DLG2: variants seen among roughly 807,000 people sequenced by gnomAD.
DLG2 encodes the protein discs large MAGUK scaffold protein 2.
Under a neutral mutation model 132.5 loss-of-function variants are expected in DLG2, and 45 were observed. The ratio of observed to expected loss-of-function variants is 0.34; its 90% CI spans 0.27 to 0.44. The LOEUF (loss-of-function observed/expected upper bound fraction) is 0.44. Among genes scored for constraint, DLG2 ranks in the 20% least tolerant of loss-of-function variants. The pLI, the probability that DLG2 is intolerant of heterozygous loss-of-function variation, is 1.00. For missense variants in DLG2, 1,045 were observed against 1,196.9 expected, an observed-to-expected ratio of 0.87 and a Z score of 1.87; for synonymous variants, 424 against 419.6, an observed-to-expected ratio of 1.01 and a Z score of -0.13.
chr11:84,562,982 G>T (rs1262969989), intron 6 of DLG2, among the ~76,000 whole-genome samples: 1 of 152,020 alleles, frequency 6.6e-6, no homozygotes, highest in African/African-American at 2.4e-5. Flanking sequence ...AAACTGCTGG[G>T]CTCAAGTGAT....
intron 5 of DLG2, among the ~76,000 whole-genome samples, chr11:85,136,617 T>C (rs954395631): frequency 3.3e-5 from 5 of 152,204 alleles, no homozygotes; most frequent in Non-Finnish European, 7.4e-5. Flanking sequence ...TAGAAATATA[T>C]TGATTCTTAG....
At chr11:84,440,346 T>C (rs966233910) in intron 7 of DLG2, among the ~76,000 whole-genome samples, 6 of 152,184 alleles carry the variant, frequency 3.9e-5, no homozygotes, top group African/African-American at 1.4e-4. Flanking sequence ...TATGACAAAA[T>C]AGAAAAATCC....
At chr11:84,934,555 G>T (rs1456605761) in intron 6 of DLG2, among the ~76,000 whole-genome samples, 4 of 86,708 alleles carry the variant, frequency 4.6e-5, no homozygotes, top group Non-Finnish European at 6.5e-5. Context: ...TTGGTGGGTA[G>T]GCTATTTATT....
At chr11:84,256,703 A>G (rs1323214224) in intron 7 of DLG2, among the ~76,000 whole-genome samples, 1 of 152,184 alleles carries the variant, frequency 6.6e-6, no homozygotes, top group Non-Finnish European at 1.5e-5. Context: ...TTTCTTGTCT[A>G]TTTAGAGGGA....
chr11:84,690,377 A>G (rs2057889820), intron 6 of DLG2, among the ~76,000 whole-genome samples: 1 of 151,912 alleles, frequency 6.6e-6, no homozygotes, highest in African/African-American at 2.4e-5. Context: ...GTAGATCAAA[A>G]TATCACATTG....
chr11:83,945,232 C>T (rs1381396377), intron 14 of DLG2, among the ~76,000 whole-genome samples: 1 of 152,128 alleles, frequency 6.6e-6, no homozygotes, highest in Non-Finnish European at 1.5e-5. Flanking sequence ...CCCAAGACTT[C>T]ATCATTGCGC....
At chr11:84,810,414 G>A (rs1566024522) in intron 6 of DLG2, among the ~76,000 whole-genome samples, 2 of 152,052 alleles carry the variant, frequency 1.3e-5, no homozygotes, top group African/African-American at 4.8e-5. Context: ...TAGACACTAA[G>A]GACATGCAAA....
At chr11:83,898,749 T>G (rs1346336476) in intron 15 of DLG2, among the ~76,000 whole-genome samples, 3 of 152,330 alleles carry the variant, frequency 2.0e-5, no homozygotes, top group African/African-American at 7.2e-5. Flanking sequence ...CTATTTTAGC[T>G]AAATAAATCT....
At chr11:84,142,070 G>C (rs2094874421) in intron 9 of DLG2, among the ~76,000 whole-genome samples, 1 of 151,974 alleles carries the variant, frequency 6.6e-6, no homozygotes, top group African/African-American at 2.4e-5. Flanking sequence ...TTGGGAGGCC[G>C]AGGCAGGTGG....
intron 6 of DLG2, among the ~76,000 whole-genome samples, chr11:84,597,492 T>C (rs1243424498): frequency 1.3e-5 from 2 of 152,300 alleles, no homozygotes; most frequent in Non-Finnish European, 1.5e-5. Context: ...AACAATGATG[T>C]CAATGATGGG....
chr11:84,166,975 A>G (rs750992769), intron 8 of DLG2: 1 of 533,288 alleles, frequency 1.9e-6, no homozygotes, highest in Admixed American at 1.9e-5. Flanking sequence ...ATTTTATGCT[A>G]CTGATAGTTT....
chr11:83,486,166 A>G, intron 21 of DLG2: 2 of 652,714 alleles, frequency 3.1e-6, no homozygotes, highest in Middle Eastern at 2.4e-4. Flanking sequence ...GTTAAAAATG[A>G]TAGTCCTTAA....
chr11:84,590,322 G>C (rs1462379658), intron 6 of DLG2, among the ~76,000 whole-genome samples: 6 of 152,142 alleles, frequency 3.9e-5, no homozygotes, highest in African/African-American at 1.4e-4. Context: ...CAAAGTCTTA[G>C]GATATTTAGC....
At chr11:85,083,796 G>C (rs2067549296) in intron 6 of DLG2, among the ~76,000 whole-genome samples, 1 of 152,132 alleles carries the variant, frequency 6.6e-6, no homozygotes, top group South Asian at 2.1e-4. Flanking sequence ...AGGCCTCAGA[G>C]AGAATAGATT....
chr11:84,707,093 T>A (rs1175263331), intron 6 of DLG2, among the ~76,000 whole-genome samples: 3 of 151,632 alleles, frequency 2.0e-5, no homozygotes. Flanking sequence ...GTCCAAAGAA[T>A]GGAAGAAAAA....
rs1193280265 is a variant in DLG2 at position 84,703,883 on chromosome 11, T to TAC, written c.358-169154_358-169153dup. Among the ~76,000 whole-genome samples, 58 of 119,914 alleles carry TAC rather than the reference T, an allele frequency of 4.8e-4. 1 individual carries two copies. In the East Asian group the frequency reaches 5.7e-3, roughly 12 times the overall value. 78.7% of individuals were successfully genotyped at this position (119,914 alleles called of 152,430 possible). On this transcript the variant is annotated intron_variant, in intron 6 of 27. Transcript: ENST00000376104. ...ATATATATATATATATATATATATA[T>TAC]ACACGTGTGTGTGTGTGTGTGTGTG...
chr11:83,898,249 A>AT (rs1331086340), intron 15 of DLG2, among the ~76,000 whole-genome samples: 1 of 152,172 alleles, frequency 6.6e-6, no homozygotes, highest in Non-Finnish European at 1.5e-5. Context: ...AAATGCACAC[A>AT]TATGTATGTG....
chr11:83,999,889 T>A (rs2094251372), intron 11 of DLG2, among the ~76,000 whole-genome samples: 3 of 147,874 alleles, frequency 2.0e-5, no homozygotes, highest in African/African-American at 5.0e-5. Context: ...CAAAAGCAAA[T>A]TAAAAAAATG....
chr11:83,748,552 G>A (rs921218122), intron 18 of DLG2, among the ~76,000 whole-genome samples: 2 of 152,206 alleles, frequency 1.3e-5, no homozygotes, highest in African/African-American at 2.4e-5. Flanking sequence ...ATTACAGTGA[G>A]TACATGACAA....
Sources: gnomAD v4.1 joint callset for allele counts (sites outside exome capture counted in the v4.1 genomes callset) on GRCh38, gnomAD v4.1.1 for gene constraint, MANE v1.5 for transcripts, NCBI Gene and HGNC (gene_info 2026-07-23, HGNC 2026-07-21) for gene names.